The following EVI5 variants were observed in gnomAD, a reference collection of about 807,000 sequenced individuals.
EVI5 encodes ecotropic viral integration site 5, also known as ecotropic viral integration site 5 protein homolog.
EVI5 carries 73 observed loss-of-function variants against 112.0 expected under a neutral mutation model. That is an observed-to-expected ratio of 0.65 (90% CI 0.54 to 0.79). The LOEUF is 0.79. EVI5 is among the 30% of genes least tolerant of loss of function. The pLI is 0.00. For missense variants in EVI5, 900 were observed against 968.8 expected (o/e 0.93, Z 0.94); for synonymous variants, 305 against 319.9 (o/e 0.95, Z 0.50).
chr1:92,712,420 A>G (rs1672982042), intron 2 of EVI5, among the ~76,000 whole-genome samples: 1 of 152,170 alleles, frequency 6.6e-6, no homozygotes, highest in African/African-American at 2.4e-5. Context: ...TCAGAAACTA[A>G]TAGTATGGAG....
Position 92,785,008 on chromosome 1 carries a change from C to G in EVI5, c.-254G>C. On this transcript the variant is annotated 5_prime_UTR_variant, in exon 1 of 20. Coordinates refer to ENST00000684568, the MANE Select transcript of EVI5 (RefSeq NM_001350197.2). ...CTCAGGGCCGCCTCGCGACCCTCAC[C>G]TACCCCTCCCGGCACCGCCGCTGTC... The G allele has an allele frequency of 1.0e-6, 1 of 985,628 alleles. No individual in the cohort carries two copies. 61.1% of individuals were successfully genotyped at this position (985,628 alleles called of 1,614,324 possible).
rs145375053 is a variant in EVI5 at position 92,583,673 on chromosome 1, C to T, written c.2071-19936G>A. ...TTTGCAATTATTTTCTAGTATTGTACTGGCCAATGGTATTAGAAGTATAAG... is the reference window on the plus strand; with the variant it reads ...TTTGCAATTATTTTCTAGTATTGTATTGGCCAATGGTATTAGAAGTATAAG... On this transcript the variant is annotated intron_variant, in intron 18 of 19. Coordinates refer to ENST00000684568, the MANE Select transcript of EVI5 (RefSeq NM_001350197.2). 4.6e-3 allele frequency among the ~76,000 whole-genome samples: 699 copies of T among 150,538 alleles called. 6 individuals are homozygous for T. Among genetic ancestry groups the T allele is most frequent in the African/African-American group, 0.016 (663 of 41,170 alleles).
At chr1:92,532,589 C>T (rs907533247) in intron 19 of EVI5, among the ~76,000 whole-genome samples, 2 of 152,202 alleles carry the variant, frequency 1.3e-5, no homozygotes, top group East Asian at 3.9e-4. Context: ...AACAGTCTCT[C>T]AGACCACAGT....
rs201756949 is a variant in EVI5 at position 92,605,302 on chromosome 1, G to C, written c.2070+5C>G. 6.9e-5 allele frequency: 109 copies of C among 1,580,944 alleles called. 2 individuals are homozygous for C. The highest frequency in any genetic ancestry group is 5.2e-4 in the South Asian group (47 of 90,102). On this transcript the variant is annotated splice_donor_5th_base_variant and intron_variant, in intron 18 of 19. Transcript: ENST00000684568. ...TACATGTACTTTATTATTTTCATAT[G>C]GTACCTGGATTTCAAGCTCAGCAAT...
intron 19 of EVI5, among the ~76,000 whole-genome samples, chr1:92,554,225 G>C (rs1296839366): frequency 2.0e-5 from 3 of 152,170 alleles, no homozygotes; most frequent in Admixed American, 2.0e-4. Context: ...TAGATGTTAG[G>C]TTCTCATCTG....
intron 1 of EVI5, among the ~76,000 whole-genome samples, chr1:92,750,508 ATACTC>A: frequency 6.6e-6 from 1 of 152,326 alleles, no homozygotes; most frequent in South Asian, 2.1e-4. Flanking sequence ...ACACTACACT[ATACTC>A]TTTAGACATT....
chr1:92,681,007 T>C (rs1421689260), intron 9 of EVI5, among the ~76,000 whole-genome samples: 1 of 152,202 alleles, frequency 6.6e-6, no homozygotes, highest in Non-Finnish European at 1.5e-5. Context: ...GAGATAGTTA[T>C]ACAGCATATT....
intron 19 of EVI5, among the ~76,000 whole-genome samples, chr1:92,544,356 T>A (rs1274265458): frequency 1.3e-5 from 2 of 152,230 alleles, no homozygotes; most frequent in Non-Finnish European, 2.9e-5. Flanking sequence ...TCAGTAAAGC[T>A]GTTATACAGA....
intron 2 of EVI5, among the ~76,000 whole-genome samples, chr1:92,729,108 C>G (rs559884395): frequency 1.3e-5 from 2 of 152,276 alleles, no homozygotes; most frequent in East Asian, 3.9e-4. Flanking sequence ...AAATTGAATG[C>G]TGAGGCTGCT....
At chr1:92,581,511 C>T (rs1366826018) in intron 18 of EVI5, among the ~76,000 whole-genome samples, 1 of 152,172 alleles carries the variant, frequency 6.6e-6, no homozygotes, top group Non-Finnish European at 1.5e-5. Context: ...AATGAATTCT[C>T]CTGGGATTTT....
intron 1 of EVI5, among the ~76,000 whole-genome samples, chr1:92,776,579 C>T (rs1243918559): frequency 6.6e-6 from 1 of 151,696 alleles, no homozygotes; most frequent in Non-Finnish European, 1.5e-5. Flanking sequence ...CTGAGTACTA[C>T]CTCTCCCCAT....
At chr1:92,676,107 A>G (rs1666709713) in intron 10 of EVI5, among the ~76,000 whole-genome samples, 1 of 151,786 alleles carries the variant, frequency 6.6e-6, no homozygotes, top group African/African-American at 2.4e-5. Flanking sequence ...CTTCCATTTG[A>G]TAAGGAAAAG....
chr1:92,595,696 A>G, intron 18 of EVI5, among the ~76,000 whole-genome samples: 1 of 152,224 alleles, frequency 6.6e-6, no homozygotes, highest in East Asian at 1.9e-4. Context: ...TACCGGGTAT[A>G]TATATGTCGG....
chr1:92,607,356 A>G (rs969760025), intron 17 of EVI5: 7 of 391,262 alleles, frequency 1.8e-5, no homozygotes, highest in Non-Finnish European at 3.1e-5. Flanking sequence ...AGGAAATTAA[A>G]TTAACCAAGG....
chr1:92,701,759 A>G (rs578117543), intron 5 of EVI5, among the ~76,000 whole-genome samples: 2 of 151,644 alleles, frequency 1.3e-5, no homozygotes, highest in East Asian at 3.9e-4. Context: ...AATTCTCTAT[A>G]AATCTCTAAA....
intron 18 of EVI5, among the ~76,000 whole-genome samples, chr1:92,568,024 C>T (rs1190098889): frequency 6.6e-6 from 1 of 152,174 alleles, no homozygotes; most frequent in African/African-American, 2.4e-5. Context: ...GAGGCCTTCC[C>T]TGTTTTCTCA....
At chr1:92,603,868 G>C (rs1454336943) in intron 18 of EVI5, among the ~76,000 whole-genome samples, 1 of 151,888 alleles carries the variant, frequency 6.6e-6, no homozygotes, top group East Asian at 1.9e-4. Flanking sequence ...AACCGCGACT[G>C]GGACTATAGG....
intron 18 of EVI5, among the ~76,000 whole-genome samples, chr1:92,588,711 C>T (rs928354592): frequency 6.6e-6 from 1 of 152,170 alleles, no homozygotes; most frequent in African/African-American, 2.4e-5. Context: ...AGAATAGTGA[C>T]AGGCACATAG....
intron 18 of EVI5, among the ~76,000 whole-genome samples, chr1:92,601,756 A>G (rs1388144416): frequency 1.3e-5 from 2 of 152,194 alleles, no homozygotes; most frequent in African/African-American, 4.8e-5. Context: ...TGAATTTTCT[A>G]TTTTTCAAAA....
Sources: allele counts gnomAD v4.1 joint callset (sites outside exome capture counted in the v4.1 genomes callset), GRCh38; gene constraint gnomAD v4.1.1; transcripts MANE v1.5; gene names NCBI Gene and HGNC (gene_info 2026-07-23, HGNC 2026-07-21).